Variants in OXNAD1 observed in about 807,000 individuals in gnomAD.
The protein encoded by OXNAD1 is oxidoreductase NAD binding domain containing 1, also known as oxidoreductase NAD-binding domain-containing protein 1.
OXNAD1 carries 34 observed loss-of-function variants against 32.9 expected under a neutral mutation model. The observed-to-expected ratio is 1.03, with a 90% CI of 0.79 to 1.38. The LOEUF is 1.38. OXNAD1 is among the 40% of genes most tolerant of loss of function. The pLI is 0.00. For missense variants in OXNAD1, 407 were observed against 379.4 expected, an observed-to-expected ratio of 1.07 and a Z score of -0.60; for synonymous variants, 134 against 135.2, an observed-to-expected ratio of 0.99 and a Z score of 0.06.
rs903996593 is a variant in OXNAD1 at position 16,334,164 on chromosome 3, CAAAACA to C, written c.*31-2931_*31-2926del. 5.3e-5 allele frequency among the ~76,000 whole-genome samples: 8 copies of C among 151,800 alleles called. No individual in the cohort carries two copies. Among genetic ancestry groups the C allele is most frequent in the African/African-American group, 1.7e-4 (7 of 41,290 alleles). On this transcript the variant is annotated intron_variant, in intron 9 of 9. Coordinates refer to the OXNAD1 transcript ENST00000435829. This position sits in a 1 kb window ranked among gnomAD's most constrained non-coding sequence, Gnocchi z 4.3. ...TGGGCGACAGAGCAAGACTCTGTCT[CAAAACA>C]AAAACAAAAACAAAAAACAACAACA...
At position 16,301,961 on chromosome 3, in the gene OXNAD1, G is replaced by T. The variant is rs1240595121; in HGVS notation, c.675+93G>T. The T allele has an allele frequency of 2.7e-6, 4 of 1,477,676 alleles. No homozygotes were observed. Among genetic ancestry groups the T allele is most frequent in the Admixed American group, 2.1e-5 (1 of 47,230 alleles). The allele number at this position is 1,477,676 out of a possible 1,614,324, so 91.5% of individuals were successfully genotyped here. On this transcript the variant is annotated intron_variant, in intron 7 of 8. Transcript: ENST00000285083. The surrounding 1 kb of genome is among the most constrained non-coding windows in gnomAD (Gnocchi z 4.1). ...CTCTAGGTTTTGTTTTCTCTGCAAAGGTTCAAACAAAAGGCTTGGCAAGAT... is the reference window on the plus strand; with the variant it reads ...CTCTAGGTTTTGTTTTCTCTGCAAATGTTCAAACAAAAGGCTTGGCAAGAT...
In OXNAD1 at chr3:16,321,091, G is replaced by A. The variant is rs939643112; in HGVS notation, c.*31-16021G>A. ...TTGAATATAGGGGAAGGAGAGGGGA[G>A]GGTCAGCAGGGATAGCCCCTAAGGT... On this transcript the variant is annotated intron_variant, in intron 9 of 9. Coordinates refer to the OXNAD1 transcript ENST00000435829. This position sits in a 1 kb window ranked among gnomAD's most constrained non-coding sequence, Gnocchi z 4.8. Among the ~76,000 whole-genome samples, 1 of 152,120 alleles carries A rather than the reference G, an allele frequency of 6.6e-6. No homozygotes were observed. The highest frequency in any genetic ancestry group is 2.4e-5 in the African/African-American group (1 of 41,412).
Position 16,283,325 on chromosome 3 carries a change from G to T in OXNAD1, c.184-3017G>T, listed in dbSNP as rs181593093. Among the ~76,000 whole-genome samples, 32 of 152,234 alleles carry T rather than the reference G, an allele frequency of 2.1e-4. No homozygotes were observed. The East Asian group carries it at 2.9e-3, about 14-fold the overall frequency. On this transcript the variant is annotated intron_variant, in intron 4 of 8. Coordinates refer to ENST00000285083, the MANE Select transcript of OXNAD1 (RefSeq NM_138381.5). The stretch of plus-strand genomic sequence containing the variant: ...GGATTTCGTTGTATGGCATAAGTGC[G>T]TTTACCACTGGAGCAGAACCATCAG...
At chr3:16,266,051 A>G (rs1402021096) in intron 1 of OXNAD1, among the ~76,000 whole-genome samples, 5 of 152,250 alleles carry the variant, frequency 3.3e-5, no homozygotes, top group African/African-American at 4.8e-5. Flanking sequence ...ATATCTTAGT[A>G]GAGAAGAAAT....
At position 16,270,892 on chromosome 3, in the gene OXNAD1, A is replaced by G. The variant is rs761518424; in HGVS notation, c.-8-53A>G. On this transcript the variant is annotated intron_variant, in intron 2 of 8. Coordinates refer to ENST00000285083, the MANE Select transcript of OXNAD1 (RefSeq NM_138381.5). ...CACTGACCCTCTAAAATAGTCTGAT[A>G]TTTCCCCACTTTTAAAAAAACAATT... 5.0e-6 allele frequency: 8 copies of G among 1,609,760 alleles called. No individual in the cohort carries two copies. The Admixed American group carries it at 8.4e-5, about 17-fold the overall frequency.
At chr3:16,330,677 C>T (rs58824769) in intron 9 of OXNAD1, among the ~76,000 whole-genome samples, 74 of 152,238 alleles carry the variant, frequency 4.9e-4, no homozygotes, top group African/African-American at 1.7e-3. Context: ...TTTTTCAACT[C>T]GTATAAAAGG....
At chr3:16,326,102 C>T (rs903151182) in intron 9 of OXNAD1, among the ~76,000 whole-genome samples, 1 of 152,214 alleles carries the variant, frequency 6.6e-6, no homozygotes. Flanking sequence ...TGCTTACAAC[C>T]CCACAGGGCA....
chr3:16,301,875 G>C lies in OXNAD1; in HGVS notation c.675+7G>C. The stretch of plus-strand genomic sequence containing the variant: ...CAGCGAACTCCTGTTTAAGGTAAGG[G>C]AGGTATAGCTTGCTGTAAGCAAACT... On this transcript the variant is annotated splice_region_variant and intron_variant, in intron 7 of 8. Transcript: ENST00000285083. This position sits in a 1 kb window ranked among gnomAD's most constrained non-coding sequence, Gnocchi z 4.1. 6.2e-7 allele frequency: 1 copy of C among 1,612,230 alleles called. No homozygotes were observed. The highest frequency in any genetic ancestry group is 8.5e-7 in the Non-Finnish European group (1 of 1,178,596).
rs980027968 is a variant in OXNAD1 at position 16,271,235 on chromosome 3, G to C, written c.119+164G>C. Reference sequence around the variant, plus strand: ...TTTTTTTTGTCTGAGATGGAGTCTTGCTCCGTCGCCTGGGCTGGAGTGCAG... The same window carrying C: ...TTTTTTTTGTCTGAGATGGAGTCTTCCTCCGTCGCCTGGGCTGGAGTGCAG... On this transcript the variant is annotated intron_variant, in intron 3 of 8. Coordinates refer to ENST00000285083, the MANE Select transcript of OXNAD1 (RefSeq NM_138381.5). This position sits in a 1 kb window ranked among gnomAD's most constrained non-coding sequence, Gnocchi z 4.6. The C allele has an allele frequency of 1.2e-6, 1 of 832,300 alleles. No individual in the cohort carries two copies. The highest frequency in any genetic ancestry group is 1.7e-5 in the African/African-American group (1 of 58,434). The allele number at this position is 832,300 out of a possible 1,614,324, so 51.6% of individuals were successfully genotyped here.
At chr3:16,313,106 T>C (rs1044631736) in intron 9 of OXNAD1, among the ~76,000 whole-genome samples, 1 of 151,468 alleles carries the variant, frequency 6.6e-6, no homozygotes, top group African/African-American at 2.4e-5. Context: ...AGTGCAGTGG[T>C]GTGCCCACAG....
In OXNAD1 at chr3:16,327,497, C is replaced by T. The variant is rs558940555; in HGVS notation, c.*31-9615C>T. Among the ~76,000 whole-genome samples the T allele has an allele frequency of 2.0e-5, 3 of 152,280 alleles. No homozygotes were observed. The highest frequency in any genetic ancestry group is 2.1e-4 in the South Asian group (1 of 4,834). On this transcript the variant is annotated intron_variant, in intron 9 of 9. Transcript: ENST00000435829. This position sits in a 1 kb window ranked among gnomAD's most constrained non-coding sequence, Gnocchi z 4.2. ...AGCCCCGGCCGGGTGCTGTGGCTCA[C>T]GTCTGTAATCCCAGCACTTTGGGAG...
At chr3:16,278,399 A>G (rs1292772295) in intron 4 of OXNAD1, among the ~76,000 whole-genome samples, 1 of 152,160 alleles carries the variant, frequency 6.6e-6, no homozygotes, top group East Asian at 1.9e-4. Flanking sequence ...GATTCTCACA[A>G]CCATTCTGGG....
At chr3:16,267,904 TG>T (rs1321344176) in intron 1 of OXNAD1, among the ~76,000 whole-genome samples, 2 of 152,242 alleles carry the variant, frequency 1.3e-5, no homozygotes, top group Non-Finnish European at 2.9e-5. Flanking sequence ...TTTAATCTGT[TG>T]CTTTCAGAAG....
chr3:16,337,772 C>T (rs2071005844), downstream of OXNAD1, among the ~76,000 whole-genome samples: 3 of 152,052 alleles, frequency 2.0e-5, no homozygotes, highest in African/African-American at 7.2e-5. This position sits in a 1 kb window ranked among gnomAD's most constrained non-coding sequence, Gnocchi z 5.0. Flanking sequence ...AGAAAGTCAC[C>T]TCATTTGATT....
chr3:16,308,994 C>T (rs997622896), downstream of OXNAD1, among the ~76,000 whole-genome samples: 1 of 151,166 alleles, frequency 6.6e-6, no homozygotes, highest in African/African-American at 2.4e-5. The surrounding 1 kb of genome is among the most constrained non-coding windows in gnomAD (Gnocchi z 4.4). Context: ...GATTAAAATG[C>T]TGACGTTCTC....
Position 16,323,813 on chromosome 3 carries a change from T to C in OXNAD1, c.*31-13299T>C, listed in dbSNP as rs77844622. The stretch of plus-strand genomic sequence containing the variant: ...TTTCCAAATCTGTCTCTGGTAATGA[T>C]GGGCAGGTAGATAAGGACCTGGGTG... On this transcript the variant is annotated intron_variant, in intron 9 of 9. Coordinates refer to the OXNAD1 transcript ENST00000435829. Among the ~76,000 whole-genome samples the C allele has an allele frequency of 4.8e-3, 738 of 152,308 alleles. 4 individuals are homozygous for C. The highest frequency in any genetic ancestry group is 8.6e-3 in the Non-Finnish European group (587 of 68,028).
chr3:16,317,507 A>AC lies in OXNAD1; in HGVS notation c.*30+13917dup, dbSNP rs908686193. ...CAGTATTTCTTTTGACTGGCTCTAT[A>AC]CCAAAGGCCCACATAGGAAAGGGCT... On this transcript the variant is annotated intron_variant, in intron 9 of 9. Coordinates refer to the OXNAD1 transcript ENST00000435829. The surrounding 1 kb of genome is among the most constrained non-coding windows in gnomAD (Gnocchi z 4.3). Among the ~76,000 whole-genome samples, 1 of 152,036 alleles carries AC rather than the reference A, an allele frequency of 6.6e-6. No individual in the cohort carries two copies. Among genetic ancestry groups the AC allele is most frequent in the African/African-American group, 2.4e-5 (1 of 41,398 alleles).
At chr3:16,273,383 T>TG (rs1003478842) in intron 4 of OXNAD1, among the ~76,000 whole-genome samples, 2 of 102,950 alleles carry the variant, frequency 1.9e-5, no homozygotes, top group African/African-American at 4.7e-5. Context: ...AGTATTTTCT[T>TG]GTTTTTTTTT....
chr3:16,321,649 G>T lies in OXNAD1; in HGVS notation c.*31-15463G>T, dbSNP rs1261924409. Among the ~76,000 whole-genome samples, 3 of 151,988 alleles carry T rather than the reference G, an allele frequency of 2.0e-5. No homozygotes were observed. Among genetic ancestry groups the T allele is most frequent in the East Asian group, 1.9e-4 (1 of 5,186 alleles). ...CCAGAGGGTCTTGTGTAGAACAAGT[G>T]CTCCACACCAGTCACCTACAGTCTT... On this transcript the variant is annotated intron_variant, in intron 9 of 9. Coordinates refer to the OXNAD1 transcript ENST00000435829. This position sits in a 1 kb window ranked among gnomAD's most constrained non-coding sequence, Gnocchi z 4.8.
Sources: gnomAD v4.1 joint callset for allele counts (sites outside exome capture counted in the v4.1 genomes callset) on GRCh38, gnomAD v4.1.1 for gene constraint, Gnocchi (gnomAD v3.1) non-coding constraint, MANE v1.5 for transcripts, NCBI Gene and HGNC (gene_info 2026-07-23, HGNC 2026-07-21) for gene names.